Variants in CECR2 observed in about 807,000 individuals in gnomAD.
CECR2 encodes chromatin remodeling regulator CECR2.
A neutral mutation model predicts 154.5 loss-of-function variants in CECR2; 30 were observed. The observed-to-expected ratio is 0.19, with a 90% CI of 0.15 to 0.26. CECR2 has a LOEUF of 0.26. Ranked by LOEUF, CECR2 falls within the 10% of genes least tolerant of loss-of-function variation. The pLI, the probability that CECR2 is intolerant of heterozygous loss-of-function variation, is 1.00. For missense variants in CECR2, 1,743 were observed against 1,829.3 expected (o/e 0.95, Z 0.86); for synonymous variants, 725 against 683.7 (o/e 1.06, Z -0.94).
intron 12 of CECR2, 105 bp from the exon 13 acceptor site, chr22:17,538,888 A>G (rs1380917942): frequency 5.7e-6 from 8 of 1,415,382 alleles, no homozygotes; most frequent in Non-Finnish European, 7.7e-6. Context: ...GTTATTCATT[A>G]CAGATCAGCA....
rs1439536622 is a variant in CECR2, at chr22:17,369,696, G to T, written c.-88G>T. ...CGCCGCCCCCGCCGAGGACCGCGCG[G>T]AGGCTGCGGCGCTGCCGCGGCGGGA... On this transcript the variant is annotated 5_prime_UTR_variant, in exon 1 of 19. Transcript: ENST00000262608. 3 of 148,630 alleles carry T rather than the reference G, an allele frequency of 2.0e-5. No individual in the cohort carries two copies. Among genetic ancestry groups the T allele is most frequent in the African/African-American group, 7.3e-5 (3 of 40,982 alleles). 9.2% of individuals were successfully genotyped at this position (148,630 alleles called of 1,614,324 possible). A position where few individuals can be genotyped will look rare whatever the true frequency, so the allele number is the denominator to read the frequency against.
In CECR2 at chr22:17,511,909, G is replaced by A. The variant is rs750103297; in HGVS notation, c.954+13G>A. On this transcript the variant is annotated intron_variant, in intron 8 of 18. Transcript: ENST00000262608. ...CGTCAAGCAAGAGGTGAGTGTGGGT[G>A]AGAGTAGCGAGGAGGAGCTTTCCTG... is the stretch of plus-strand genomic sequence containing the variant. The A allele has an allele frequency of 3.8e-6, 6 of 1,590,414 alleles. No individual in the cohort carries two copies. The highest frequency in any genetic ancestry group is 1.3e-5 in the African/African-American group (1 of 74,322).
chr22:17,361,990 G>A (rs1316019352), intron 1 of CECR2, among the ~76,000 whole-genome samples: 1 of 152,096 alleles, frequency 6.6e-6, no homozygotes, highest in Non-Finnish European at 1.5e-5. Context: ...AGGCCATAGT[G>A]GTTAGGGAAT....
chr22:17,502,997 A>G (rs2055766372), intron 5 of CECR2, 85 bp from the exon 6 acceptor site: 1 of 1,176,496 alleles, frequency 8.5e-7, no homozygotes, highest in African/African-American at 1.5e-5. Flanking sequence ...GTGTTAAATT[A>G]ATGGGTTCTA....
At chr22:17,517,035 C>T (rs1316799681) in intron 8 of CECR2, among the ~76,000 whole-genome samples, 2 of 152,076 alleles carry the variant, frequency 1.3e-5, no homozygotes, top group Non-Finnish European at 1.5e-5. Flanking sequence ...CCTGCCACCA[C>T]GCCTGGCTAA....
upstream of CECR2, among the ~76,000 whole-genome samples, chr22:17,366,621 G>A (rs1025771406): frequency 4.6e-5 from 7 of 152,190 alleles, no homozygotes; most frequent in Middle Eastern, 3.4e-3. Flanking sequence ...ATTGGTAGGG[G>A]GTCATTAATC....
intron 9 of CECR2, among the ~76,000 whole-genome samples, chr22:17,530,550 A>C (rs886423969): frequency 6.6e-6 from 1 of 151,790 alleles, no homozygotes; most frequent in Non-Finnish European, 1.5e-5. Flanking sequence ...GGTGGCGTGC[A>C]CCTGTAGTCC....
intron 1 of CECR2, among the ~76,000 whole-genome samples, chr22:17,410,990 G>C (rs143722553): frequency 6.6e-6 from 1 of 152,242 alleles, no homozygotes; most frequent in East Asian, 1.9e-4. Context: ...AGTTGAATTG[G>C]GATTAGAACC....
At chr22:17,403,105 G>A (rs748274245) in intron 1 of CECR2, among the ~76,000 whole-genome samples, 11 of 152,108 alleles carry the variant, frequency 7.2e-5, no homozygotes, top group Non-Finnish European at 1.2e-4. Flanking sequence ...ACCTGACATC[G>A]CATGTCTCCT....
intron 1 of CECR2, among the ~76,000 whole-genome samples, chr22:17,411,036 A>G (rs2054061451): frequency 6.6e-6 from 1 of 152,210 alleles, no homozygotes; most frequent in Non-Finnish European, 1.5e-5. Flanking sequence ...AGGAAGCCCA[A>G]GACTTAATCA....
upstream of CECR2, among the ~76,000 whole-genome samples, chr22:17,367,832 C>G (rs1347145670): frequency 6.6e-6 from 1 of 152,236 alleles, no homozygotes; most frequent in African/African-American, 2.4e-5. Context: ...TAATGCAATA[C>G]TCACGGGGTA....
chr22:17,392,102 G>A (rs1399292215), intron 1 of CECR2, among the ~76,000 whole-genome samples: 1 of 152,164 alleles, frequency 6.6e-6, no homozygotes, highest in East Asian at 1.9e-4. Flanking sequence ...GAGCCACCGC[G>A]TCTGGCCGAA....
chr22:17,421,445 C>G (rs2054246957), intron 1 of CECR2, among the ~76,000 whole-genome samples: 1 of 152,040 alleles, frequency 6.6e-6, no homozygotes, highest in Non-Finnish European at 1.5e-5. Flanking sequence ...GAAACCCCGT[C>G]TCTACTAAAA....
At position 17,548,143 on chromosome 22, in the gene CECR2, TGC is replaced by T; in HGVS notation, c.2861-4_2861-3del. On this transcript the variant is annotated splice_region_variant and splice_polypyrimidine_tract_variant and intron_variant, in intron 16 of 18. Transcript: ENST00000262608. ...TTTTTCTCCTCTTTTTTTTTTTTTT[TGC>T]AGCAGAGCCGTTGCCTGGCCTTGAA... 2.7e-6 allele frequency: 4 copies of T among 1,462,514 alleles called. No homozygotes were observed. Among genetic ancestry groups the T allele is most frequent in the Non-Finnish European group, 2.7e-6 (3 of 1,105,130 alleles). The allele number at this position is 1,462,514 out of a possible 1,614,324, so 90.6% of individuals were successfully genotyped here.
In CECR2 at chr22:17,369,592, C is replaced by G. The variant is rs1313921520; in HGVS notation, c.-192C>G. ...GCAGCCGCCTCAGTAGTTCGGGCCCCCGCGCCGCCGCCCCCCGCCCGGCGC... is the reference window on the plus strand; with the variant it reads ...GCAGCCGCCTCAGTAGTTCGGGCCCGCGCGCCGCCGCCCCCCGCCCGGCGC... On this transcript the variant is annotated 5_prime_UTR_variant, in exon 1 of 19. Coordinates refer to ENST00000262608, the MANE Select transcript of CECR2 (RefSeq NM_001290047.2). 1.4e-5 allele frequency: 2 copies of G among 147,030 alleles called. No individual in the cohort carries two copies. The highest frequency in any genetic ancestry group is 3.9e-4 in the East Asian group (2 of 5,078). 9.1% of individuals were successfully genotyped at this position (147,030 alleles called of 1,614,324 possible).
At position 17,553,885 on chromosome 22, in the gene CECR2, G is replaced by T. The variant is rs1601221205; in HGVS notation, c.*1045G>T. On this transcript the variant is annotated 3_prime_UTR_variant, in exon 19 of 19. Transcript: ENST00000262608. ...CTGGCACGAATCACATTTTGTGGAA[G>T]TGACTACTCAGGTTTGTATATTTTA... 6.6e-6 allele frequency: 1 copy of T among 152,220 alleles called. No individual in the cohort carries two copies. Among genetic ancestry groups the T allele is most frequent in the Non-Finnish European group, 1.5e-5 (1 of 68,044 alleles). 9.4% of individuals were successfully genotyped at this position (152,220 alleles called of 1,614,324 possible).
chr22:17,446,902 C>T (rs528782979), intron 1 of CECR2, among the ~76,000 whole-genome samples: 2 of 150,496 alleles, frequency 1.3e-5, no homozygotes, highest in Admixed American at 6.6e-5. Flanking sequence ...TTTTACAGAG[C>T]GCTGATTGGT....
chr22:17,363,009 A>G (rs1455749566), intron 1 of CECR2, among the ~76,000 whole-genome samples: 2 of 148,020 alleles, frequency 1.4e-5, no homozygotes, highest in East Asian at 4.0e-4. Context: ...ATCCTGTGTC[A>G]CGTCCTTTGC....
At chr22:17,373,113 A>G (rs903672997) in intron 1 of CECR2, among the ~76,000 whole-genome samples, 10 of 152,078 alleles carry the variant, frequency 6.6e-5, no homozygotes, top group Non-Finnish European at 1.3e-4. Context: ...CCCAGGCTGG[A>G]GTACAGTGGC....
Sources: gnomAD v4.1 joint callset for allele counts (sites outside exome capture counted in the v4.1 genomes callset) on GRCh38, gnomAD v4.1.1 for gene constraint, MANE v1.5 for transcripts, NCBI Gene and HGNC (gene_info 2026-07-23, HGNC 2026-07-21) for gene names.